CNOT6: variants seen among roughly 807,000 people sequenced by gnomAD.
The protein encoded by CNOT6 is carbon catabolite repression 4 protein.
Under a neutral mutation model 61.2 loss-of-function variants are expected in CNOT6, and 12 were observed. That is an observed-to-expected ratio of 0.20 (90% CI 0.13 to 0.32). The LOEUF (loss-of-function observed/expected upper bound fraction) is 0.32, where lower values mean the gene tolerates loss of function less well. Among genes scored for constraint, CNOT6 ranks in the 10% least tolerant of loss-of-function variants. CNOT6 has a pLI of 1.00. For synonymous variants in CNOT6, 225 were observed against 240.6 expected (o/e 0.94, Z 0.60); for missense variants, 405 against 663.9 (o/e 0.61, Z 4.28).
At chr5:180,501,071 T>C (rs1019991770) in intron 1 of CNOT6, among the ~76,000 whole-genome samples, 3 of 152,074 alleles carry the variant, frequency 2.0e-5, no homozygotes, top group African/African-American at 7.2e-5. Context: ...TTGTAGGGTT[T>C]TTCTTAAAGT....
intron 4 of CNOT6, among the ~76,000 whole-genome samples, chr5:180,559,628 G>A (rs1421983743): frequency 1.3e-5 from 2 of 152,092 alleles, no homozygotes; most frequent in Non-Finnish European, 2.9e-5. Context: ...TCGTAAGTCT[G>A]CCATTTTATT....
At chr5:180,539,381 C>T (rs1026849084) in intron 2 of CNOT6, among the ~76,000 whole-genome samples, 36 of 150,512 alleles carry the variant, frequency 2.4e-4, no homozygotes, top group Non-Finnish European at 3.0e-5. Flanking sequence ...TTTTCCTTTA[C>T]TGAGCTTTTC....
intron 2 of CNOT6, among the ~76,000 whole-genome samples, chr5:180,544,936 C>G (rs1045474107): frequency 1.3e-5 from 2 of 152,128 alleles, no homozygotes; most frequent in Non-Finnish European, 2.9e-5. Context: ...GCACTCCAGC[C>G]TGGGTGACAG....
chr5:180,549,871 C>A, intron 2 of CNOT6, 60 bp from the exon 3 acceptor site: 1 of 1,285,050 alleles, frequency 7.8e-7, no homozygotes, highest in Non-Finnish European at 1.1e-6. Context: ...TTACTGAAAT[C>A]TACAGAACAA....
At chr5:180,550,211 T>C in intron 3 of CNOT6, 94 bp downstream of exon 3, 2 of 954,460 alleles carry the variant, frequency 2.1e-6, no homozygotes, top group Admixed American at 4.3e-5. Flanking sequence ...TTCTAGCGTT[T>C]TGGGAGGCTG....
intron 1 of CNOT6, among the ~76,000 whole-genome samples, chr5:180,508,637 AT>A (rs1240711524): frequency 6.7e-6 from 1 of 149,912 alleles, no homozygotes; most frequent in African/African-American, 2.5e-5. Context: ...TTATGTTTTT[AT>A]TTTTTCAAGG....
intron 7 of CNOT6, 65 bp downstream of exon 7, chr5:180,566,042 C>G: frequency 7.1e-7 from 1 of 1,418,088 alleles, no homozygotes; most frequent in Non-Finnish European, 9.6e-7. Flanking sequence ...GAATACATTA[C>G]GCTGACACAT....
At chr5:180,501,666 G>A (rs1464860452) in intron 1 of CNOT6, among the ~76,000 whole-genome samples, 2 of 152,226 alleles carry the variant, frequency 1.3e-5, no homozygotes. Context: ...ATGAAAGTAT[G>A]CATATATGCA....
At chr5:180,534,729 G>A (rs1410230713) in intron 2 of CNOT6, 1 of 24,350 alleles carries the variant, frequency 4.1e-5, no homozygotes, top group Non-Finnish European at 1.0e-4. Context: ...AGAGGCCCTC[G>A]GAATCCACCA....
intron 2 of CNOT6, chr5:180,534,077 A>G (rs1758543213): frequency 6.5e-6 from 1 of 152,866 alleles, no homozygotes; most frequent in South Asian, 2.1e-4. Context: ...TTACCTCTAT[A>G]GGGGGGTGGG....
chr5:180,508,630 T>C (rs1757239931), intron 1 of CNOT6, among the ~76,000 whole-genome samples: 1 of 151,510 alleles, frequency 6.6e-6, no homozygotes, highest in Non-Finnish European at 1.5e-5. Context: ...TTTTATTTTA[T>C]GTTTTTATTT....
chr5:180,522,874 A>G (rs765296558), intron 1 of CNOT6, among the ~76,000 whole-genome samples: 1 of 152,186 alleles, frequency 6.6e-6, no homozygotes, highest in Non-Finnish European at 1.5e-5. Context: ...ATACTTTACC[A>G]TATCCTTATA....
At chr5:180,521,535 TACAG>T (rs1757878482) in intron 1 of CNOT6, among the ~76,000 whole-genome samples, 1 of 152,236 alleles carries the variant, frequency 6.6e-6, no homozygotes, top group Non-Finnish European at 1.5e-5. Flanking sequence ...TGCGCTGACT[TACAG>T]ACTGAGTAAT....
In CNOT6 at chr5:180,560,034, C is replaced by T. The variant is rs747537422; in HGVS notation, c.386-4455C>T. On this transcript the variant is annotated intron_variant, in intron 4 of 11. Transcript: ENST00000261951. ...CGCGATCTCGGCTCACTGCAAGTTC[C>T]GCCTCCTGGGTTCAAACGATTCTCC... 3.3e-5 allele frequency among the ~76,000 whole-genome samples: 5 copies of T among 151,394 alleles called. No homozygotes were observed. In the South Asian group the frequency reaches 6.3e-4, roughly 19 times the overall value.
At position 180,553,245 on chromosome 5, in the gene CNOT6, A is replaced by G; in HGVS notation, c.300-141A>G. The G allele has an allele frequency of 4.4e-6, 2 of 451,520 alleles. 1 individual carries two copies. The highest frequency in any genetic ancestry group is 7.8e-6 in the Non-Finnish European group (2 of 255,672). The allele number at this position is 451,520 out of a possible 1,614,324, so 28.0% of individuals were successfully genotyped here. On this transcript the variant is annotated intron_variant, in intron 3 of 11. Transcript: ENST00000261951. ...TTTTTTTTAAACCACATGTTATTTA[A>G]GAAACGCAGTACTAGACATTGAAAT...
At chr5:180,536,451 A>G (rs1758704934) in intron 2 of CNOT6, among the ~76,000 whole-genome samples, 1 of 152,004 alleles carries the variant, frequency 6.6e-6, no homozygotes, top group Admixed American at 6.6e-5. Flanking sequence ...TAATGTAATT[A>G]AGTCCCATTT....
At chr5:180,550,702 A>G (rs1424489541) in intron 3 of CNOT6, among the ~76,000 whole-genome samples, 1 of 152,282 alleles carries the variant, frequency 6.6e-6, no homozygotes, top group African/African-American at 2.4e-5. Flanking sequence ...CAAGGTGCTT[A>G]TGTTATCCCA....
At chr5:180,543,352 C>T (rs1759141665) in intron 2 of CNOT6, among the ~76,000 whole-genome samples, 2 of 152,184 alleles carry the variant, frequency 1.3e-5, no homozygotes, top group Non-Finnish European at 2.9e-5. Context: ...AGCCAGTGCA[C>T]CCGGCCTGCA....
Position 180,574,170 on chromosome 5 carries a change from C to G in CNOT6, c.1644C>G (p.Val548=). The change falls in exon 12 of 12, where the codon GTC becomes GTG. Residue 548 remains valine (V), a synonymous_variant. Coordinates refer to ENST00000261951, the MANE Select transcript of CNOT6 (RefSeq NM_001370472.1). ...TCTTACTGCCTTTCCTGCCCCAAGT[C>G]AACGGCATCCACCTTCCTGGCAGGA... ...LELLLPFLPQ[V]NGIHLPGRR 1 of 1,613,666 alleles carries G rather than the reference C, an allele frequency of 6.2e-7. No individual in the cohort carries two copies. The highest frequency in any genetic ancestry group is 8.5e-7 in the Non-Finnish European group (1 of 1,179,996).
Sources: allele counts gnomAD v4.1 joint callset (sites outside exome capture counted in the v4.1 genomes callset), GRCh38; gene constraint gnomAD v4.1.1; transcripts MANE v1.5; gene names NCBI Gene and HGNC (gene_info 2026-07-23, HGNC 2026-07-21).